Variants in DGLUCY observed in about 807,000 individuals in gnomAD.
The protein encoded by DGLUCY is D-glutamate cyclase, mitochondrial.
DGLUCY carries 58 observed loss-of-function variants against 58.5 expected under a neutral mutation model. That is an observed-to-expected ratio of 0.99 (90% CI 0.80 to 1.23). The LOEUF is 1.23. Among genes scored for constraint, DGLUCY ranks in the 50% most tolerant of loss-of-function variants. The pLI is 0.00. For missense variants in DGLUCY, 779 were observed against 784.7 expected, an observed-to-expected ratio of 0.99 and a Z score of 0.09; for synonymous variants, 325 against 314.1, an observed-to-expected ratio of 1.03 and a Z score of -0.37.
At chr14:91,060,421 C>T in exon 1 of DGLUCY, 1 of 1,496,656 alleles carries the variant, frequency 6.7e-7, no homozygotes. Flanking sequence ...GCTGCTGCCA[C>T]CCTCCTCCTC....
At chr14:91,207,904 G>A (rs766821321) in intron 12 of DGLUCY, among the ~76,000 whole-genome samples, 2 of 151,974 alleles carry the variant, frequency 1.3e-5, no homozygotes, top group African/African-American at 2.4e-5. Flanking sequence ...GCGCTACCAC[G>A]CCCTGCTAAT....
At position 91,142,743 on chromosome 14, in the gene DGLUCY, C is replaced by G. The variant is rs901194594; in HGVS notation, c.-81-14896C>G. On this transcript the variant is annotated intron_variant, in intron 1 of 13. Coordinates refer to ENST00000256324, the MANE Select transcript of DGLUCY (RefSeq NM_001102368.3). ...GGTTGGGAGGCTGAGGTGGGCAGATCACCTGAAGTCAGGAGTTCGAGACCA... is the reference window on the plus strand; with the variant it reads ...GGTTGGGAGGCTGAGGTGGGCAGATGACCTGAAGTCAGGAGTTCGAGACCA... Among the ~76,000 whole-genome samples the G allele has an allele frequency of 4.6e-5, 7 of 151,632 alleles. No individual in the cohort carries two copies. In the South Asian group the frequency reaches 1.0e-3, roughly 23 times the overall value.
chr14:91,123,927 C>CTT (rs113927504), intron 1 of DGLUCY, among the ~76,000 whole-genome samples: 67 of 131,742 alleles, frequency 5.1e-4, no homozygotes, highest in African/African-American at 1.4e-3. Flanking sequence ...AATAATCAGA[C>CTT]TTTTTTTTTT....
At chr14:91,131,638 C>T (rs1310439001) in intron 1 of DGLUCY, among the ~76,000 whole-genome samples, 1 of 152,046 alleles carries the variant, frequency 6.6e-6, no homozygotes, top group Non-Finnish European at 1.5e-5. Flanking sequence ...ACCACAGGCC[C>T]CGGTGTGTGA....
intron 4 of DGLUCY, chr14:91,167,603 G>A (rs1595818864): frequency 2.8e-6 from 2 of 724,770 alleles, no homozygotes; most frequent in Non-Finnish European, 4.9e-6. Flanking sequence ...TTGAGATCAT[G>A]GAGAAAGTCC....
At chr14:91,121,975 C>T (rs1253582196) in intron 1 of DGLUCY, among the ~76,000 whole-genome samples, 1 of 152,100 alleles carries the variant, frequency 6.6e-6, no homozygotes, top group African/African-American at 2.4e-5. Flanking sequence ...TTGATGAATA[C>T]GTTTTGAGCA....
intron 10 of DGLUCY, 38 bp downstream of exon 10, chr14:91,196,512 G>A (rs2050221569): frequency 1.3e-6 from 2 of 1,536,542 alleles, no homozygotes; most frequent in Admixed American, 3.4e-5. Context: ...GGCGGATGGT[G>A]GAAACGCCCA....
intron 1 of DGLUCY, among the ~76,000 whole-genome samples, chr14:91,138,132 G>T (rs148202512): frequency 2.6e-5 from 4 of 152,176 alleles, no homozygotes; most frequent in Non-Finnish European, 4.4e-5. Flanking sequence ...TAAATGTTCT[G>T]GGCACTAAGG....
rs181777755 is a variant in DGLUCY at position 91,068,793 on chromosome 14, A to G, written c.-82+8089A>G. On this transcript the variant is annotated intron_variant, in intron 1 of 4. Transcript: ENST00000521334. ...ATAGAAAAGGTCCCATTTTTAATGAAACAAGGAAACTCTCAGAACCTCAAA... is the reference window on the plus strand; with the variant it reads ...ATAGAAAAGGTCCCATTTTTAATGAGACAAGGAAACTCTCAGAACCTCAAA... Among the ~76,000 whole-genome samples the G allele has an allele frequency of 1.2e-4, 18 of 152,372 alleles. No homozygotes were observed. The East Asian group carries it at 3.3e-3, about 28-fold the overall frequency.
At chr14:91,156,239 G>T (rs28548905) in intron 1 of DGLUCY, among the ~76,000 whole-genome samples, 1 of 151,450 alleles carries the variant, frequency 6.6e-6, no homozygotes, top group Non-Finnish European at 1.5e-5. Context: ...TCAGCCTCCC[G>T]GGTAGCTGGG....
chr14:91,106,882 T>C (rs1033944133), upstream of DGLUCY, among the ~76,000 whole-genome samples: 1 of 152,216 alleles, frequency 6.6e-6, no homozygotes, highest in African/African-American at 2.4e-5. Flanking sequence ...AGATAAAAGT[T>C]GCAAGAGAAA....
intron 3 of DGLUCY, among the ~76,000 whole-genome samples, chr14:91,161,372 A>G (rs1306681226): frequency 6.6e-6 from 1 of 152,164 alleles, no homozygotes; most frequent in African/African-American, 2.4e-5. Flanking sequence ...ACCAGGCCCA[A>G]CAAAGCACTC....
intron 12 of DGLUCY, among the ~76,000 whole-genome samples, chr14:91,207,834 C>T (rs911041337): frequency 6.6e-6 from 1 of 152,066 alleles, no homozygotes; most frequent in Non-Finnish European, 1.5e-5. Context: ...ACAGCCTCCT[C>T]CTCCCAAGTT....
At chr14:91,085,893 G>A (rs574656374) in intron 1 of DGLUCY, among the ~76,000 whole-genome samples, 1 of 152,104 alleles carries the variant, frequency 6.6e-6, no homozygotes, top group South Asian at 2.1e-4. Context: ...TATAACAGGG[G>A]TTCCCAACCC....
At chr14:91,087,219 C>T (rs1043082738) in intron 1 of DGLUCY, among the ~76,000 whole-genome samples, 1 of 152,168 alleles carries the variant, frequency 6.6e-6, no homozygotes, top group Admixed American at 6.6e-5. Flanking sequence ...TGCCTAGAAT[C>T]GAATCAGACA....
intron 1 of DGLUCY, among the ~76,000 whole-genome samples, chr14:91,096,958 G>A (rs1371527579): frequency 2.0e-5 from 3 of 152,222 alleles, no homozygotes; most frequent in Non-Finnish European, 4.4e-5. Context: ...TACAATTTCA[G>A]ATTTCTGTGT....
At chr14:91,074,275 A>T (rs1398526924) in intron 1 of DGLUCY, among the ~76,000 whole-genome samples, 3 of 139,036 alleles carry the variant, frequency 2.2e-5, no homozygotes, top group South Asian at 2.3e-4. Flanking sequence ...AGCCTGGGCA[A>T]CTGAGCGATA....
intron 10 of DGLUCY, among the ~76,000 whole-genome samples, chr14:91,198,848 G>A (rs1419877602): frequency 6.6e-6 from 1 of 152,124 alleles, no homozygotes; most frequent in Non-Finnish European, 1.5e-5. Flanking sequence ...TGCAGAAAAT[G>A]AAGGTTAGGG....
At chr14:91,100,055 CAAA>C (rs781379842) in intron 1 of DGLUCY, among the ~76,000 whole-genome samples, 28 of 130,678 alleles carry the variant, frequency 2.1e-4, no homozygotes, top group Admixed American at 2.5e-4. Flanking sequence ...AACTCTGTCT[CAAA>C]AAAAAAAAAA....
Sources: allele counts gnomAD v4.1 joint callset (sites outside exome capture counted in the v4.1 genomes callset), GRCh38; gene constraint gnomAD v4.1.1; transcripts MANE v1.5; gene names NCBI Gene and HGNC (gene_info 2026-07-23, HGNC 2026-07-21).